OFD1: variants seen among roughly 807,000 people sequenced by gnomAD.
OFD1 encodes the protein OFD1 centriole and centriolar satellite protein.
OFD1 carries 12 observed loss-of-function variants against 81.4 expected under a neutral mutation model. The ratio of observed to expected loss-of-function variants is 0.15; its 90% CI spans 0.09 to 0.24. OFD1 has a LOEUF of 0.24. Among genes scored for constraint, OFD1 ranks in the 10% least tolerant of loss-of-function variants. OFD1 has a pLI of 1.00. For synonymous variants in OFD1, 256 were observed against 263.7 expected, an observed-to-expected ratio of 0.97 and a Z score of 0.28; for missense variants, 685 against 733.9, an observed-to-expected ratio of 0.93 and a Z score of 0.77.
At chrX:13,758,991 A>G (rs1170514906) in intron 15 of OFD1, among the ~76,000 whole-genome samples, 1 of 111,803 alleles carries the variant, frequency 8.9e-6, no homozygotes, top group Non-Finnish European at 1.9e-5. Flanking sequence ...AAAAGATGAA[A>G]TGGGTTTCAG....
chrX:13,763,603 C>G, intron 18 of OFD1, 142 bp from the exon 19 acceptor site: 1 of 494,219 alleles, frequency 2.0e-6, no homozygotes, highest in African/African-American at 2.3e-5. Flanking sequence ...TTGGGAACTT[C>G]ATAGAATCCT....
chrX:13,720,686 C>A, the OFD1 span: 1 of 111,663 alleles, frequency 9.0e-6, no homozygotes, highest in Non-Finnish European at 1.9e-5. Context: ...AAGAAATAAT[C>A]CATAAAGGAA....
At position 13,769,262 on chromosome X, in the gene OFD1, A is replaced by C; in HGVS notation, c.*154A>C. ...TTTCCATAATTAATTTTGATACCAT[A>C]GTGTGTGAACCAAGAATAATCTAGT... On this transcript the variant is annotated 3_prime_UTR_variant, in exon 23 of 23. Coordinates refer to ENST00000340096, the MANE Select transcript of OFD1 (RefSeq NM_003611.3). 2.0e-6 allele frequency: 1 copy of C among 506,280 alleles called. No individual in the cohort carries two copies. Among genetic ancestry groups the C allele is most frequent in the East Asian group, 3.4e-5 (1 of 29,682 alleles). 41.7% of individuals were successfully genotyped at this position (506,280 alleles called of 1,213,427 possible). A position where few individuals can be genotyped will look rare whatever the true frequency, so the allele number is the denominator to read the frequency against.
Position 13,761,904 on chromosome X carries a change from C to CTTTTTT in OFD1, c.2388-422_2388-417dup, listed in dbSNP as rs747167069. Among the ~76,000 whole-genome samples the CTTTTTT allele has an allele frequency of 2.9e-4, 20 of 68,948 alleles. 1 individual carries two copies. The highest frequency in any genetic ancestry group is 9.5e-4 in the African/African-American group (16 of 16,863). 59.9% of individuals were successfully genotyped at this position (68,948 alleles called of 115,157 possible). A position where few individuals can be genotyped will look rare whatever the true frequency, so the allele number is the denominator to read the frequency against. ...ACATGGGCCTGTCGTAGTCCTAAAG[C>CTTTTTT]TTTTTTTTTTTTTTTTTTTTTTTGT... On this transcript the variant is annotated intron_variant, in intron 17 of 22. Coordinates refer to ENST00000340096, the MANE Select transcript of OFD1 (RefSeq NM_003611.3).
intron 10 of OFD1, chrX:13,752,889 C>T (rs2047557592): frequency 8.5e-6 from 8 of 941,329 alleles, no homozygotes; most frequent in East Asian, 7.6e-5. Context: ...ATTGCTAATC[C>T]GGATATAATG....
At chrX:13,756,497 C>A in intron 12 of OFD1, 81 bp from the exon 13 acceptor site, 1 of 762,540 alleles carries the variant, frequency 1.3e-6, no homozygotes, top group Non-Finnish European at 2.0e-6. Flanking sequence ...TGACACCATG[C>A]TTAAAGGAGC....
Position 13,762,374 on chromosome X carries a change from C to T in OFD1, c.2418C>T (p.Asp806=). ...GLYRRQTELQ[D]KSEFSDVDKL... is the part of the protein sequence containing the mutation. ...ATCGAAGACAAACTGAACTTCAAGA[C>T]AAAAGTGAATTTTCAGATGTGGACA... Residue 806 remains aspartate, a synonymous_variant, in exon 18 of 23, where the codon GAC becomes GAT. Coordinates refer to ENST00000340096, the MANE Select transcript of OFD1 (RefSeq NM_003611.3). 1 of 1,201,959 alleles carries T rather than the reference C, an allele frequency of 8.3e-7. No individual in the cohort carries two copies. Among genetic ancestry groups the T allele is most frequent in the East Asian group, 3.0e-5 (1 of 33,767 alleles).
chrX:13,738,286 AATGCCC>A (rs1202803438), intron 3 of OFD1, among the ~76,000 whole-genome samples: 1 of 112,891 alleles, frequency 8.9e-6, no homozygotes, highest in Non-Finnish European at 1.9e-5. Flanking sequence ...ACTAATGTAA[AATGCCC>A]ATGCAGAATA....
chrX:13,727,977 C>T, the OFD1 span, among the ~76,000 whole-genome samples: 798 of 111,977 alleles, frequency 7.1e-3, 7 homozygotes, highest in African/African-American at 0.024. Flanking sequence ...AACACCTCTA[C>T]GCAAATAAAC....
downstream of OFD1, chrX:13,772,732 C>T (rs2048324001): frequency 6.9e-6 from 3 of 436,342 alleles, no homozygotes; most frequent in Non-Finnish European, 1.1e-5. Context: ...GAAGGTTTTC[C>T]TAGAGATACA....
At chrX:13,741,132 C>T (rs1167973275) in intron 5 of OFD1, among the ~76,000 whole-genome samples, 1 of 108,984 alleles carries the variant, frequency 9.2e-6, no homozygotes, top group Non-Finnish European at 1.9e-5. Context: ...GAGCAAGACT[C>T]CGTCTCAAAA....
At chrX:13,737,181 C>T (rs1309713257) in intron 3 of OFD1, among the ~76,000 whole-genome samples, 2 of 110,922 alleles carry the variant, frequency 1.8e-5, no homozygotes, top group Non-Finnish European at 3.8e-5. Context: ...AGATGTTTCT[C>T]TTTGTAATTA....
At chrX:13,740,784 C>T (rs1185964765) in intron 5 of OFD1, among the ~76,000 whole-genome samples, 8 of 101,370 alleles carry the variant, frequency 7.9e-5, no homozygotes, top group African/African-American at 2.6e-4. Context: ...CAGAGCTGGA[C>T]TCCATCTCAA....
At position 13,767,166 on chromosome X, in the gene OFD1, A is replaced by T; in HGVS notation, c.2639A>T (p.Glu880Val). Reference protein sequence around the residue: ...QKQIEEQKEEEKIREQQVKER... With the variant: ...QKQIEEQKEEVKIREQQVKER... ...CAAATTGAAGAACAAAAGGAAGAAG[A>T]AAAAATACGGGAACAGCAAGTGAAA... Residue 880 changes from glutamate (E) to valine (V), a missense_variant, in exon 20 of 23, where the codon GAA (glutamate) becomes GTA (valine). By Grantham distance (121) the Glu-to-Val change is moderately radical. This residue lies in a region of OFD1 where 259 missense variants were observed against 254.4 expected (regional missense o/e 1.02). Transcript: ENST00000340096. 8.3e-7 allele frequency: 1 copy of T among 1,210,510 alleles called. No homozygotes were observed. Among genetic ancestry groups the T allele is most frequent in the Non-Finnish European group, 1.1e-6 (1 of 894,224 alleles).
chrX:13,771,686 TC>T (rs2048301327), downstream of OFD1: 1 of 112,190 alleles, frequency 8.9e-6, no homozygotes, highest in African/African-American at 3.2e-5. Flanking sequence ...AAGTTTACCA[TC>T]ACTAATACCC....
chrX:13,743,276 G>A (rs1417236556), intron 5 of OFD1, among the ~76,000 whole-genome samples: 2 of 112,313 alleles, frequency 1.8e-5, no homozygotes, highest in East Asian at 2.8e-4. Flanking sequence ...GGATTATATC[G>A]TAGATACTGT....
At chrX:13,744,380 G>A in intron 5 of OFD1, 35 bp from the exon 6 acceptor site, 1 of 816,004 alleles carries the variant, frequency 1.2e-6, no homozygotes, top group Non-Finnish European at 1.9e-6. Context: ...GTGGTTGAAA[G>A]TTCTGAAACA....
intron 21 of OFD1, 81 bp downstream of exon 21, chrX:13,768,305 C>T (rs186458608): frequency 5.3e-5 from 40 of 747,955 alleles, no homozygotes; most frequent in Admixed American, 3.9e-4. Context: ...GACGGGAATC[C>T]GTCTTCTCCA....
chrX:13,739,296 CAAAAA>C (rs751700372), intron 5 of OFD1: 14 of 113,792 alleles, frequency 1.2e-4, no homozygotes, highest in Non-Finnish European at 1.8e-4. Context: ...AATATTTCTG[CAAAAA>C]AAAAAAAAAA....
Sources: allele counts gnomAD v4.1 joint callset (sites outside exome capture counted in the v4.1 genomes callset), GRCh38; gene constraint gnomAD v4.1.1; regional missense constraint gnomAD v4.1.1; transcripts MANE v1.5; gene names NCBI Gene and HGNC (gene_info 2026-07-23, HGNC 2026-07-21).